The following TPRKB variants were observed in gnomAD, a reference collection of about 807,000 sequenced individuals.
TPRKB encodes the protein TP53RK binding protein.
Under a neutral mutation model 17.8 loss-of-function variants are expected in TPRKB, and 11 were observed. The observed-to-expected ratio is 0.62, with a 90% CI of 0.39 to 1.02. TPRKB has a LOEUF of 1.02. Ranked by LOEUF, TPRKB falls within the 50% of genes least tolerant of loss-of-function variation. The pLI is 0.00. For synonymous variants in TPRKB, 71 were observed against 69.5 expected (o/e 1.02, Z -0.11); for missense variants, 228 against 198.0 (o/e 1.15, Z -0.91).
At chr2:73,730,853 C>A in intron 3 of TPRKB, 117 bp from the exon 4 acceptor site, 1 of 671,026 alleles carries the variant, frequency 1.5e-6, no homozygotes, top group East Asian at 3.3e-5. Context: ...CATGTCCTAA[C>A]AGTTCTCACT....
At chr2:73,734,380 T>G (rs753388660) in intron 2 of TPRKB, 49 bp downstream of exon 2, 1 of 1,574,486 alleles carries the variant, frequency 6.4e-7, no homozygotes, top group African/African-American at 1.4e-5. Flanking sequence ...ATTACAGGCG[T>G]GAGCCACCGC....
chr2:73,733,025 C>G (rs1020220547), intron 2 of TPRKB, among the ~76,000 whole-genome samples: 3 of 152,138 alleles, frequency 2.0e-5, no homozygotes, highest in African/African-American at 7.2e-5. Flanking sequence ...ACCTAGGAAA[C>G]TTATGCAAGT....
rs1671651156 is a variant in TPRKB at position 73,732,280 on chromosome 2, A to C, written c.147T>G (p.Val49=). The part of the protein sequence containing the change: ...DGSLINPTVI[V]DPFQILVAAN... ...CTGCCACAAGTATCTGAAATGGATC[A>C]ACAATCTACCAAAGCAAGGAAAAAG... Residue 49 remains valine, a synonymous_variant, in exon 3 of 5, where the codon GTT becomes GTG. Transcript: ENST00000272424. The C allele has an allele frequency of 1.9e-6, 3 of 1,612,054 alleles. No individual in the cohort carries two copies. The highest frequency in any genetic ancestry group is 1.3e-5 in the African/African-American group (1 of 74,918).
chr2:73,732,507 T>C, intron 2 of TPRKB: 1 of 486,808 alleles, frequency 2.1e-6, no homozygotes, highest in South Asian at 2.5e-5. Flanking sequence ...ACGTCAGGGT[T>C]CAAGACCAGC....
At chr2:73,731,080 T>C in intron 3 of TPRKB, 1 of 179,250 alleles carries the variant, frequency 5.6e-6, no homozygotes, top group Non-Finnish European at 1.1e-5. Flanking sequence ...TCACATTTCA[T>C]GCCCTTCTGC....
Position 73,732,194 on chromosome 2 carries a change from T to A in TPRKB, c.233A>T (p.Glu78Val). Reference protein sequence around the residue: ...GKMKTRTLSTEIIFNLSPNNN... With the variant: ...GKMKTRTLSTVIIFNLSPNNN... The stretch of plus-strand genomic sequence containing the variant: ...ATTTGGGGAAAGGTTGAAAATAATT[T>A]CAGTAGATAGAGTTCTTGTCTTCAT... Residue 78 changes from glutamate to valine, a missense_variant, in exon 3 of 5, where the codon GAA (glutamate) becomes GTA (valine). Coordinates refer to ENST00000272424, the MANE Select transcript of TPRKB (RefSeq NM_016058.5). 6.2e-7 allele frequency: 1 copy of A among 1,613,736 alleles called. No individual in the cohort carries two copies. Among genetic ancestry groups the A allele is most frequent in the Non-Finnish European group, 8.5e-7 (1 of 1,179,896 alleles).
intron 1 of TPRKB, among the ~76,000 whole-genome samples, 192 bp downstream of exon 1, chr2:73,737,110 C>T (rs528049136): frequency 3.4e-4 from 51 of 152,210 alleles, no homozygotes; most frequent in Non-Finnish European, 6.9e-4. Context: ...CGCCTATCCG[C>T]TGCATGTCTC....
chr2:73,732,031 C>G, intron 3 of TPRKB, 132 bp downstream of exon 3: 1 of 1,026,052 alleles, frequency 9.7e-7, no homozygotes, highest in East Asian at 2.4e-5. Context: ...AACTCTCTGT[C>G]CAGAGCTCTC....
chr2:73,730,488 G>A (rs1671548312), intron 4 of TPRKB, 72 bp downstream of exon 4: 1 of 1,083,210 alleles, frequency 9.2e-7, no homozygotes, highest in South Asian at 1.6e-5. Context: ...GAGCTCTGGT[G>A]ATCAATAGGC....
At chr2:73,735,200 C>T (rs1356097280) in intron 1 of TPRKB, among the ~76,000 whole-genome samples, 3 of 151,890 alleles carry the variant, frequency 2.0e-5, no homozygotes, top group Non-Finnish European at 2.9e-5. Context: ...GGCATGGTGG[C>T]GCATGCCTGT....
intron 2 of TPRKB, 79 bp from the exon 3 acceptor site, chr2:73,732,364 C>T: frequency 6.9e-7 from 1 of 1,450,426 alleles, no homozygotes; most frequent in South Asian, 1.3e-5. Flanking sequence ...TCATGGTTAA[C>T]TCCAGTGTCA....
At chr2:73,733,251 TTTG>T (rs1400355187) in intron 2 of TPRKB, among the ~76,000 whole-genome samples, 1 of 143,740 alleles carries the variant, frequency 7.0e-6, no homozygotes, top group East Asian at 2.0e-4. Context: ...GCCCTGTTTT[TTTG>T]TTTTTTTTTT....
chr2:73,731,876 TTC>T, intron 3 of TPRKB: 1 of 245,912 alleles, frequency 4.1e-6, no homozygotes, highest in Non-Finnish European at 7.8e-6. Flanking sequence ...TCATTTAGAT[TTC>T]TGTCAGCTTC....
Position 73,734,435 on chromosome 2 carries a change from A to C in TPRKB, c.135T>G (p.Pro45=). The stretch of plus-strand genomic sequence containing the variant: ...TCTTAAAATTTATATTTACCACTGT[A>C]GGATTTATCAGTGATCCATCGATGG... ...EGTIDGSLIN[P]TVIVDPFQIL... is the part of the protein sequence containing the mutation. Residue 45 remains proline, a synonymous_variant, in exon 2 of 5, where the codon CCT becomes CCG. Transcript: ENST00000272424. 6.2e-7 allele frequency: 1 copy of C among 1,611,478 alleles called. No individual in the cohort carries two copies. Among genetic ancestry groups the C allele is most frequent in the South Asian group, 1.1e-5 (1 of 90,474 alleles).
At chr2:73,733,811 A>ATT (rs1671744314) in intron 2 of TPRKB, among the ~76,000 whole-genome samples, 1 of 130,672 alleles carries the variant, frequency 7.7e-6, no homozygotes, top group African/African-American at 3.6e-5. Flanking sequence ...TGGCTCATTC[A>ATT]TTCTTTTTTT....
intron 3 of TPRKB, chr2:73,730,969 C>T (rs1389940528): frequency 3.0e-6 from 1 of 332,566 alleles, no homozygotes; most frequent in Admixed American, 5.1e-5. Context: ...CAAGCCCAGC[C>T]TCTTGGCGCT....
chr2:73,733,400 C>G (rs1671725140), intron 2 of TPRKB, among the ~76,000 whole-genome samples: 1 of 151,708 alleles, frequency 6.6e-6, no homozygotes, highest in Admixed American at 6.6e-5. Flanking sequence ...CTGGGACTAC[C>G]AGCACACACC....
Position 73,732,166 on chromosome 2 carries a change from G to A in TPRKB, c.261C>T (p.Asn87=). The change falls in exon 3 of 5, where the codon AAC becomes AAT. Residue 87 remains asparagine, a synonymous_variant. Transcript: ENST00000272424. The part of the protein sequence containing the change: ...TEIIFNLSPN[N]NISEALKKFG... ...GAAATAGGAAAGTGCACATTACATT[G>A]TTATTTGGGGAAAGGTTGAAAATAA... 6.2e-7 allele frequency: 1 copy of A among 1,613,304 alleles called. No homozygotes were observed. The highest frequency in any genetic ancestry group is 8.5e-7 in the Non-Finnish European group (1 of 1,179,702).
intron 1 of TPRKB, among the ~76,000 whole-genome samples, chr2:73,734,861 T>G (rs1328849626): frequency 6.6e-6 from 1 of 152,212 alleles, no homozygotes; most frequent in Admixed American, 6.5e-5. Context: ...GTTGAAGGGC[T>G]GCTTCCCCAG....
Sources: allele counts gnomAD v4.1 joint callset (sites outside exome capture counted in the v4.1 genomes callset), GRCh38; gene constraint gnomAD v4.1.1; transcripts MANE v1.5; gene names NCBI Gene and HGNC (gene_info 2026-07-23, HGNC 2026-07-21).